Variants in GRM1 observed in about 807,000 individuals in gnomAD.
GRM1 encodes the protein metabotropic glutamate receptor 1.
GRM1 carries 33 observed loss-of-function variants against 90.9 expected under a neutral mutation model. That is an observed-to-expected ratio of 0.36 (90% confidence interval 0.28 to 0.49). GRM1 has a LOEUF of 0.49. Among genes scored for constraint, GRM1 ranks in the 20% least tolerant of loss-of-function variants. The probability of loss-of-function intolerance (pLI) is 0.99; values close to 1 mark genes in which losing one functional copy is unlikely to be tolerated. For synonymous variants in GRM1, 700 were observed against 613.2 expected, an observed-to-expected ratio of 1.14 and a Z score of -2.09; for missense variants, 1,190 against 1,534.3, an observed-to-expected ratio of 0.78 and a Z score of 3.75.
intron 3 of GRM1, among the ~76,000 whole-genome samples, chr6:146,320,599 C>CT (rs946968467): frequency 6.3e-4 from 91 of 144,966 alleles, no homozygotes; most frequent in Admixed American, 1.5e-3. Context: ...TGGTCCTGGG[C>CT]TTTTTTTTTT....
chr6:146,426,510 A>G, intron 7 of GRM1: 11 of 1,563,710 alleles, frequency 7.0e-6, no homozygotes, highest in Non-Finnish European at 9.6e-6. Flanking sequence ...ATCTGTACAC[A>G]TGTATAACCC....
intron 2 of GRM1, among the ~76,000 whole-genome samples, chr6:146,215,918 G>C (rs1211315388): frequency 3.9e-5 from 6 of 152,062 alleles, no homozygotes; most frequent in African/African-American, 1.4e-4. Flanking sequence ...CACCATGCCC[G>C]GCTAATTTTT....
intron 1 of GRM1, among the ~76,000 whole-genome samples, chr6:146,098,083 C>G (rs1776932185): frequency 6.6e-6 from 1 of 152,130 alleles, no homozygotes; most frequent in East Asian, 1.9e-4. Context: ...GTCTAGAGGT[C>G]TCAGTCATTC....
intron 3 of GRM1, among the ~76,000 whole-genome samples, chr6:146,341,238 T>G (rs1280024039): frequency 1.3e-5 from 2 of 152,188 alleles, no homozygotes; most frequent in Non-Finnish European, 2.9e-5. Context: ...TTTCTTGGTT[T>G]TGGTTAGAAA....
chr6:146,309,403 A>G (rs1783701013), intron 3 of GRM1, among the ~76,000 whole-genome samples: 1 of 152,066 alleles, frequency 6.6e-6, no homozygotes, highest in Non-Finnish European at 1.5e-5. Context: ...TGTCTCAAAA[A>G]AAAAAAAACA....
intron 2 of GRM1, among the ~76,000 whole-genome samples, chr6:146,200,962 A>C (rs1779279708): frequency 6.6e-6 from 1 of 152,120 alleles, no homozygotes; most frequent in African/African-American, 2.4e-5. Flanking sequence ...GGCTGTTAGA[A>C]ACTCATAGGG....
intron 1 of GRM1, among the ~76,000 whole-genome samples, chr6:146,076,792 G>C (rs1776202003): frequency 6.6e-6 from 1 of 152,150 alleles, no homozygotes; most frequent in Non-Finnish European, 1.5e-5. Context: ...GTGCAAATTA[G>C]CACCAGGCAG....
At chr6:146,268,333 TAAG>T (rs1317241493) in intron 2 of GRM1, among the ~76,000 whole-genome samples, 1 of 152,238 alleles carries the variant, frequency 6.6e-6, no homozygotes, top group Non-Finnish European at 1.5e-5. Flanking sequence ...TGTTTATGCT[TAAG>T]AAGTTCACTC....
chr6:146,048,881 C>T (rs1442941538), intron 1 of GRM1, among the ~76,000 whole-genome samples: 1 of 151,954 alleles, frequency 6.6e-6, no homozygotes, highest in Non-Finnish European at 1.5e-5. Flanking sequence ...ATTCTATCGA[C>T]ACCTTAATTT....
chr6:146,258,220 A>C lies in GRM1; in HGVS notation c.951-46391A>C, dbSNP rs562850410. On this transcript the variant is annotated intron_variant, in intron 2 of 7. Coordinates refer to ENST00000282753, the MANE Select transcript of GRM1 (RefSeq NM_001278064.2). ...GATATTCATGCAAAATTTTCTTTGA[A>C]AATGAGCTCCTAAGCACTTTAAAAA... 5.3e-5 allele frequency among the ~76,000 whole-genome samples: 8 copies of C among 152,264 alleles called. No individual in the cohort carries two copies. In the South Asian group the frequency reaches 1.7e-3, roughly 32 times the overall value.
In GRM1 at chr6:146,359,784, G is replaced by A. The variant is rs150931593; in HGVS notation, c.1602+2090G>A. ...CATCATGTTTGTGCTATGCCCATGCGTGTTATCGAAGGAGATCCCAGAAGT... is the reference window on the plus strand; with the variant it reads ...CATCATGTTTGTGCTATGCCCATGCATGTTATCGAAGGAGATCCCAGAAGT... On this transcript the variant is annotated intron_variant, in intron 5 of 7. Coordinates refer to ENST00000282753, the MANE Select transcript of GRM1 (RefSeq NM_001278064.2). 2.4e-3 allele frequency among the ~76,000 whole-genome samples: 360 copies of A among 152,266 alleles called. 2 individuals are homozygous for A. The highest frequency in any genetic ancestry group is 8.1e-3 in the African/African-American group (335 of 41,558).
intron 1 of GRM1, among the ~76,000 whole-genome samples, chr6:146,104,875 G>A (rs1053425897): frequency 1.3e-5 from 2 of 152,226 alleles, no homozygotes; most frequent in Non-Finnish European, 2.9e-5. Context: ...AGTTAAACAT[G>A]TAGTGCTTGG....
chr6:146,267,690 C>G (rs906873966), intron 2 of GRM1, among the ~76,000 whole-genome samples: 122 of 95,748 alleles, frequency 1.3e-3, no homozygotes, highest in East Asian at 6.8e-3. Context: ...GGGCTCGGCT[C>G]GGCTCGGCTC....
chr6:146,396,538 C>T (rs1776943558), intron 6 of GRM1, among the ~76,000 whole-genome samples: 2 of 152,114 alleles, frequency 1.3e-5, no homozygotes, highest in Non-Finnish European at 2.9e-5. Context: ...CTTACATGTT[C>T]CTCTAATGTT....
chr6:146,050,514 C>A (rs1050810671), intron 1 of GRM1, among the ~76,000 whole-genome samples: 4 of 151,982 alleles, frequency 2.6e-5, no homozygotes, highest in South Asian at 2.1e-4. Flanking sequence ...GTATTTAGAA[C>A]AATTCTATAA....
intron 5 of GRM1, among the ~76,000 whole-genome samples, chr6:146,382,679 C>G (rs1776359544): frequency 6.6e-6 from 1 of 151,938 alleles, no homozygotes; most frequent in Admixed American, 6.6e-5. Flanking sequence ...AACTAGGGGC[C>G]AAGTGAATAC....
intron 2 of GRM1, among the ~76,000 whole-genome samples, chr6:146,270,377 C>A (rs529935430): frequency 1.2e-3 from 183 of 152,134 alleles, no homozygotes; most frequent in Non-Finnish European, 2.2e-3. Flanking sequence ...ATTAAAACTT[C>A]TTCTGCCTCA....
intron 3 of GRM1, among the ~76,000 whole-genome samples, chr6:146,341,774 G>A (rs774021205): frequency 9.2e-5 from 14 of 152,186 alleles, no homozygotes; most frequent in Non-Finnish European, 1.5e-4. Context: ...ACTTTGCAAA[G>A]ACCTAACCCC....
At chr6:146,336,106 T>C (rs969499390) in intron 3 of GRM1, among the ~76,000 whole-genome samples, 1 of 152,188 alleles carries the variant, frequency 6.6e-6, no homozygotes, top group Admixed American at 6.5e-5. Flanking sequence ...CTTGGGTATG[T>C]CTCTATAGGA....
Sources: allele counts gnomAD v4.1 joint callset (sites outside exome capture counted in the v4.1 genomes callset), GRCh38; gene constraint gnomAD v4.1.1; transcripts MANE v1.5; gene names NCBI Gene and HGNC (gene_info 2026-07-23, HGNC 2026-07-21).